The following MYLK3 variants were observed in gnomAD, a reference collection of about 807,000 sequenced individuals.
MYLK3 encodes MLC kinase.
In MYLK3, 55 loss-of-function variants were observed where a neutral mutation model predicts 76.3. The observed-to-expected ratio is 0.72, with a 90% CI of 0.58 to 0.90. The LOEUF (loss-of-function observed/expected upper bound fraction) is 0.90. MYLK3 is among the 40% of genes least tolerant of loss of function. The pLI is 0.00. For missense variants in MYLK3, 973 were observed against 1,053.6 expected (o/e 0.92, Z 1.06); for synonymous variants, 416 against 425.4 (o/e 0.98, Z 0.27).
chr16:46,726,713 GAA>G (rs1162393683), intron 8 of MYLK3: 1 of 132,050 alleles, frequency 7.6e-6, no homozygotes, highest in African/African-American at 2.8e-5. Flanking sequence ...AAGAAAGAAA[GAA>G]AGAAAGAAAG....
Position 46,732,092 on chromosome 16 carries a change from C to T in MYLK3, c.1462+116G>A, listed in dbSNP as rs903933405. ...CCTGGAGATGTTCCCGACTCTTGGACGCCCCCAGACTCATATGATCTACCC... is the reference window on the plus strand; with the variant it reads ...CCTGGAGATGTTCCCGACTCTTGGATGCCCCCAGACTCATATGATCTACCC... On this transcript the variant is annotated intron_variant, in intron 4 of 12. Coordinates refer to ENST00000394809, the MANE Select transcript of MYLK3 (RefSeq NM_182493.3). 1.3e-5 allele frequency: 11 copies of T among 859,906 alleles called. No individual in the cohort carries two copies. In the East Asian group the frequency reaches 1.4e-4, roughly 11 times the overall value. The allele number at this position is 859,906 out of a possible 1,614,324, so 53.3% of individuals were successfully genotyped here.
chr16:46,712,374 GAAT>G (rs1288362234), intron 10 of MYLK3, among the ~76,000 whole-genome samples: 3 of 151,460 alleles, frequency 2.0e-5, no homozygotes, highest in Non-Finnish European at 4.4e-5. Context: ...TTGTTCCAGG[GAAT>G]AATATCGGCA....
intron 1 of MYLK3, among the ~76,000 whole-genome samples, chr16:46,759,114 G>A (rs1030725476): frequency 2.0e-5 from 3 of 152,176 alleles, no homozygotes; most frequent in African/African-American, 7.2e-5. Context: ...CTGGTGAGGG[G>A]GTGTCCCCAC....
At chr16:46,750,711 C>T (rs1170543715), upstream of MYLK3, among the ~76,000 whole-genome samples, 1 of 151,730 alleles carries the variant, frequency 6.6e-6, no homozygotes, top group African/African-American at 2.4e-5. Context: ...ATATATAGGC[C>T]GGTTGTGGTG....
chr16:46,743,700 C>T (rs747541263), intron 1 of MYLK3, among the ~76,000 whole-genome samples: 2 of 152,124 alleles, frequency 1.3e-5, no homozygotes, highest in Admixed American at 6.5e-5. Context: ...TGCCTTCATG[C>T]AACACGTATA....
At chr16:46,721,003 A>G (rs775131806) in intron 9 of MYLK3, 120 bp downstream of exon 9, 59 of 881,108 alleles carry the variant, frequency 6.7e-5, no homozygotes, top group Non-Finnish European at 1.1e-4. Context: ...TCTGCACACA[A>G]GAGCTTTCTT....
chr16:46,736,607 AC>A (rs1966869513), intron 3 of MYLK3, among the ~76,000 whole-genome samples: 1 of 151,910 alleles, frequency 6.6e-6, no homozygotes, highest in African/African-American at 2.4e-5. Context: ...CCTGCCAGGA[AC>A]CCCTTCCTCC....
In MYLK3 at chr16:46,703,735, A is replaced by G. The variant is rs770471424; in HGVS notation, c.*3969T>C. On this transcript the variant is annotated 3_prime_UTR_variant, in exon 13 of 13. Coordinates refer to ENST00000394809, the MANE Select transcript of MYLK3 (RefSeq NM_182493.3). ...GGCCTGGCCTAAACAGACCCCTCAA[A>G]GGAACTTTGGAGGGAAATTGTTTCT... 1 of 153,788 alleles carries G rather than the reference A, an allele frequency of 6.5e-6. No individual in the cohort carries two copies. Among genetic ancestry groups the G allele is most frequent in the Admixed American group, 6.5e-5 (1 of 15,288 alleles). 9.5% of individuals were successfully genotyped at this position (153,788 alleles called of 1,614,324 possible).
Position 46,732,631 on chromosome 16 carries a change from C to G in MYLK3, c.1039G>C (p.Glu347Gln). ...IHIQEMDTPG[E>Q]MLMTGRGSLG... The stretch of plus-strand genomic sequence containing the variant: ...CTGCCCCTGCCTGTCATCAGCATCT[C>G]CCCAGGAGTATCCATCTCTTGTATG... Residue 347 changes from glutamate (E) to glutamine (Q), a missense_variant, in exon 4 of 13, where the codon GAG becomes CAG. Physicochemically the swap from Glu to Gln is conservative, Grantham distance 29. Coordinates refer to ENST00000394809, the MANE Select transcript of MYLK3 (RefSeq NM_182493.3). 1 of 1,553,924 alleles carries G rather than the reference C, an allele frequency of 6.4e-7. No individual in the cohort carries two copies. Among genetic ancestry groups the G allele is most frequent in the Non-Finnish European group, 8.6e-7 (1 of 1,156,958 alleles).
At chr16:46,739,619 T>C (rs1046007790) in intron 2 of MYLK3, among the ~76,000 whole-genome samples, 8 of 152,264 alleles carry the variant, frequency 5.3e-5, no homozygotes, top group Non-Finnish European at 5.9e-5. Context: ...ACTGAATGAA[T>C]AGGGAATATA....
Position 46,707,571 on chromosome 16 carries a change from C to T in MYLK3, c.*133G>A. 1.6e-6 allele frequency: 1 copy of T among 615,228 alleles called. No individual in the cohort carries two copies. The highest frequency in any genetic ancestry group is 2.3e-5 in the South Asian group (1 of 42,948). 38.1% of individuals were successfully genotyped at this position (615,228 alleles called of 1,614,324 possible). A position where few individuals can be genotyped will look rare whatever the true frequency, so the allele number is the denominator to read the frequency against. On this transcript the variant is annotated 3_prime_UTR_variant, in exon 13 of 13. Coordinates refer to ENST00000394809, the MANE Select transcript of MYLK3 (RefSeq NM_182493.3). ...TTTTCATCCACAAGGAAGGCAGCAG[C>T]CATAACCATTTTTACAAAATAAGTG...
chr16:46,722,537 A>G (rs908829925), intron 8 of MYLK3, among the ~76,000 whole-genome samples: 2 of 152,220 alleles, frequency 1.3e-5, no homozygotes, highest in Non-Finnish European at 2.9e-5. Context: ...TCTGTCTTCT[A>G]TATAAGATCT....
intron 1 of MYLK3, among the ~76,000 whole-genome samples, chr16:46,754,512 T>C (rs1413184157): frequency 6.6e-6 from 1 of 152,108 alleles, no homozygotes; most frequent in Non-Finnish European, 1.5e-5. Context: ...AACAGAGATC[T>C]GAGGGAGCAC....
intron 10 of MYLK3, among the ~76,000 whole-genome samples, chr16:46,711,182 C>G (rs1220840221): frequency 6.6e-6 from 1 of 152,156 alleles, no homozygotes; most frequent in Non-Finnish European, 1.5e-5. Flanking sequence ...TACCCAGGCC[C>G]CAAGCCAAAG....
At chr16:46,730,440 C>T (rs1426645417) in intron 5 of MYLK3, among the ~76,000 whole-genome samples, 153 bp downstream of exon 5, 1 of 152,146 alleles carries the variant, frequency 6.6e-6, no homozygotes, top group Admixed American at 6.5e-5. Flanking sequence ...CCACCATGCA[C>T]CCCATGCTGT....
At chr16:46,742,473 C>T (rs1966949686) in intron 1 of MYLK3, among the ~76,000 whole-genome samples, 1 of 151,656 alleles carries the variant, frequency 6.6e-6, no homozygotes, top group Non-Finnish European at 1.5e-5. Context: ...CACACACACA[C>T]ACACACACAC....
At chr16:46,713,164 G>A (rs1453468467) in intron 9 of MYLK3, among the ~76,000 whole-genome samples, 1 of 149,818 alleles carries the variant, frequency 6.7e-6, no homozygotes, top group African/African-American at 2.5e-5. Context: ...CAACGAGAAT[G>A]TACTAATTGT....
chr16:46,726,864 G>A (rs746807392), intron 8 of MYLK3: 18 of 156,780 alleles, frequency 1.1e-4, no homozygotes, highest in Admixed American at 5.2e-4. Flanking sequence ...AGTCCCTTCC[G>A]CACGGAGGGC....
chr16:46,721,363 A>G (rs1966798084), intron 8 of MYLK3, among the ~76,000 whole-genome samples, 170 bp from the exon 9 acceptor site: 1 of 152,178 alleles, frequency 6.6e-6, no homozygotes, highest in South Asian at 2.1e-4. Flanking sequence ...TGGTGAGACA[A>G]TAAGGATTGG....
Sources: allele counts gnomAD v4.1 joint callset (sites outside exome capture counted in the v4.1 genomes callset), GRCh38; gene constraint gnomAD v4.1.1; transcripts MANE v1.5; gene names NCBI Gene and HGNC (gene_info 2026-07-23, HGNC 2026-07-21).